Variants in BNC2 observed in about 807,000 individuals in gnomAD.
BNC2 encodes zinc finger protein basonuclin-2.
BNC2 carries 20 observed loss-of-function variants against 76.3 expected under a neutral mutation model. The observed-to-expected ratio is 0.26, with a 90% confidence interval of 0.18 to 0.38. BNC2 has a LOEUF of 0.38. Among genes scored for constraint, BNC2 ranks in the 10% least tolerant of loss-of-function variants. The pLI, the probability that BNC2 is intolerant of heterozygous loss-of-function variation, is 1.00. For synonymous variants in BNC2, 582 were observed against 514.8 expected (o/e 1.13, Z -1.77); for missense variants, 1,382 against 1,399.8 (o/e 0.99, Z 0.20).
chr9:16,749,654 T>C (rs6475073), intron 1 of BNC2, among the ~76,000 whole-genome samples: 130,363 of 151,510 alleles, frequency 0.86, 56,484 homozygotes, highest in Non-Finnish European at 0.91. Flanking sequence ...GAGCCATGAT[T>C]GTGCCACTGC....
chr9:16,718,299 G>T (rs1293714897), intron 3 of BNC2, among the ~76,000 whole-genome samples: 2 of 152,184 alleles, frequency 1.3e-5, no homozygotes, highest in Admixed American at 6.5e-5. Context: ...AGCTCTCCCA[G>T]ATGTTGGAGT....
chr9:16,663,770 T>C (rs1822184588), intron 3 of BNC2, among the ~76,000 whole-genome samples: 1 of 152,198 alleles, frequency 6.6e-6, no homozygotes, highest in South Asian at 2.1e-4. Context: ...CAGGTGTGAA[T>C]ATTATTTCCT....
At chr9:16,642,487 A>C (rs1202934209) in intron 3 of BNC2, among the ~76,000 whole-genome samples, 1 of 152,216 alleles carries the variant, frequency 6.6e-6, no homozygotes, top group African/African-American at 2.4e-5. Flanking sequence ...TGAGAAAACA[A>C]CACAAACCAT....
Position 16,714,275 on chromosome 9 carries a change from G to A in BNC2, c.330+13522C>T, listed in dbSNP as rs550550393. Among the ~76,000 whole-genome samples the A allele has an allele frequency of 4.6e-5, 7 of 152,242 alleles. No homozygotes were observed. In the South Asian group the frequency reaches 6.2e-4, roughly 14 times the overall value. ...TATCTAGCAAACACAAAGCACAAAT[G>A]TTATTTTATAAAAATTAACAGCATC... On this transcript the variant is annotated intron_variant, in intron 3 of 6. Transcript: ENST00000380672.
chr9:16,862,043 C>A lies in BNC2; in HGVS notation c.3+8603G>T, dbSNP rs185791576. Reference sequence around the variant, plus strand: ...AAGTGTTGAGGAGGGTGTAGAGAGACTGGAAGAATTATACACTATTGGTTG... The same window carrying A: ...AAGTGTTGAGGAGGGTGTAGAGAGAATGGAAGAATTATACACTATTGGTTG... On this transcript the variant is annotated intron_variant, in intron 1 of 6. Transcript: ENST00000380672. 1.2e-4 allele frequency among the ~76,000 whole-genome samples: 18 copies of A among 150,942 alleles called. 1 individual carries two copies. The highest frequency in any genetic ancestry group is 8.6e-4 in the Admixed American group (13 of 15,186).
intron 3 of BNC2, among the ~76,000 whole-genome samples, chr9:16,615,004 A>AAAAAAAAAAAAAAAAAG (rs1281440121): frequency 8.8e-6 from 1 of 113,082 alleles, no homozygotes; most frequent in Non-Finnish European, 1.8e-5. Flanking sequence ...AAAAAAAAAA[A>AAAAAAAAAAAAAAAAAG]GCCAAGCAGG....
chr9:16,462,620 T>C (rs1426536610), intron 5 of BNC2, among the ~76,000 whole-genome samples: 2 of 152,194 alleles, frequency 1.3e-5, no homozygotes, highest in African/African-American at 2.4e-5. Context: ...GCTTTACTTG[T>C]AGGATACTTT....
chr9:16,774,006 C>T (rs1825897749), intron 1 of BNC2, among the ~76,000 whole-genome samples: 1 of 152,048 alleles, frequency 6.6e-6, no homozygotes, highest in African/African-American at 2.4e-5. Flanking sequence ...TTTAAAGACA[C>T]AGTCTCACTC....
chr9:16,737,238 C>CTTTTTTTTTTTTTTT (rs559930240), intron 2 of BNC2, among the ~76,000 whole-genome samples: 2 of 91,302 alleles, frequency 2.2e-5, no homozygotes, highest in Non-Finnish European at 2.0e-5. Flanking sequence ...CACACCTGGC[C>CTTTTTTTTTTTTTTT]TTTTTTTTTT....
In BNC2 at chr9:16,424,842, A is replaced by G. The variant is rs148748517; in HGVS notation, c.2640-5193T>C. The stretch of plus-strand genomic sequence containing the variant: ...TCCTTTTCTTATCTGGATTGCTACA[A>G]CACTATCTATTACACTTACCTCAAC... On this transcript the variant is annotated intron_variant, in intron 6 of 6. Transcript: ENST00000380672. 1.9e-3 allele frequency among the ~76,000 whole-genome samples: 294 copies of G among 152,332 alleles called. 4 individuals are homozygous for G. Among genetic ancestry groups the G allele is most frequent in the African/African-American group, 6.7e-3 (278 of 41,578 alleles).
chr9:16,701,801 G>C (rs1823521515), intron 3 of BNC2, among the ~76,000 whole-genome samples: 1 of 152,020 alleles, frequency 6.6e-6, no homozygotes, highest in African/African-American at 2.4e-5. Flanking sequence ...AATTAGCCAG[G>C]CGTGGTGGCA....
intron 1 of BNC2, among the ~76,000 whole-genome samples, chr9:16,751,790 G>A (rs1039955872): frequency 2.0e-5 from 3 of 152,028 alleles, no homozygotes; most frequent in African/African-American, 7.2e-5. Context: ...CAGCACTTTG[G>A]AGGCCGAGGC....
chr9:16,643,103 G>C (rs1215851495), intron 3 of BNC2, among the ~76,000 whole-genome samples: 4 of 152,038 alleles, frequency 2.6e-5, no homozygotes, highest in Non-Finnish European at 5.9e-5. Context: ...AATGATCACA[G>C]ACCTGTCTTT....
intron 1 of BNC2, among the ~76,000 whole-genome samples, chr9:16,848,581 G>A (rs1194966598): frequency 6.6e-6 from 1 of 152,126 alleles, no homozygotes; most frequent in Non-Finnish European, 1.5e-5. Flanking sequence ...TGGTCCAGCA[G>A]AACTTTACAC....
chr9:16,602,322 T>C lies in BNC2; in HGVS notation c.331-19237A>G, dbSNP rs1356658085. Among the ~76,000 whole-genome samples the C allele has an allele frequency of 3.3e-5, 5 of 152,218 alleles. No homozygotes were observed. The East Asian group carries it at 7.7e-4, about 23-fold the overall frequency. On this transcript the variant is annotated intron_variant, in intron 3 of 6. Transcript: ENST00000380672. ...TATTTATTGTATTTACTACTAATCATCTTAATTACTTCATAGAGATTTTCA... is the reference window on the plus strand; with the variant it reads ...TATTTATTGTATTTACTACTAATCACCTTAATTACTTCATAGAGATTTTCA...
chr9:16,552,697 C>T lies in BNC2; in HGVS notation c.502G>A (p.Val168Met), dbSNP rs769900613. The T allele has an allele frequency of 1.2e-6, 2 of 1,614,182 alleles. No individual in the cohort carries two copies. The highest frequency in any genetic ancestry group is 8.5e-7 in the Non-Finnish European group (1 of 1,180,044). ...AGCATCAGGCTGCTGATGTCAAACA[C>T]GACGTTGGACTGCACAATCTCCACT... ...TQVEIVQSNV[V>M]FDISSLMLYG... The change falls in exon 5 of 7, where the codon GTG (valine) becomes ATG (methionine). Residue 168 changes from valine (V) to methionine (M), a missense_variant. Val to Met is a conservative substitution (Grantham distance 21, BLOSUM62 1). This residue lies in a region of BNC2 where 557 missense variants were observed against 540.9 expected (regional missense o/e 1.03). Coordinates refer to ENST00000380672, the MANE Select transcript of BNC2 (RefSeq NM_017637.6).
chr9:16,807,749 C>T (rs1374757420), intron 1 of BNC2, among the ~76,000 whole-genome samples: 5 of 152,098 alleles, frequency 3.3e-5, no homozygotes, highest in Admixed American at 3.3e-4. Flanking sequence ...CTATTGTTAT[C>T]TAAAATATAA....
chr9:16,739,746 G>A (rs1410612916), intron 1 of BNC2, among the ~76,000 whole-genome samples: 5 of 152,168 alleles, frequency 3.3e-5, no homozygotes, highest in African/African-American at 1.2e-4. Flanking sequence ...AGATACAGAA[G>A]ATACTGTGAA....
chr9:16,590,745 T>C (rs147047349), intron 3 of BNC2, among the ~76,000 whole-genome samples: 9 of 152,184 alleles, frequency 5.9e-5, no homozygotes, highest in African/African-American at 2.2e-4. Context: ...AGGTCAAGGA[T>C]GCAGTAAACC....
Sources: allele counts gnomAD v4.1 joint callset (sites outside exome capture counted in the v4.1 genomes callset), GRCh38; gene constraint gnomAD v4.1.1; regional missense constraint gnomAD v4.1.1; transcripts MANE v1.5; gene names NCBI Gene and HGNC (gene_info 2026-07-23, HGNC 2026-07-21).